FSTL4: variants seen among roughly 807,000 people sequenced by gnomAD.
The protein encoded by FSTL4 is follistatin like 4.
FSTL4 carries 28 observed loss-of-function variants against 78.2 expected under a neutral mutation model. The ratio of observed to expected loss-of-function variants is 0.36; its 90% CI spans 0.27 to 0.49. FSTL4 has a LOEUF of 0.49. Ranked by LOEUF, FSTL4 falls within the 20% of genes least tolerant of loss-of-function variation. The probability of loss-of-function intolerance (pLI) is 0.98; values close to 1 mark genes in which losing one functional copy is unlikely to be tolerated. For synonymous variants in FSTL4, 422 were observed against 440.5 expected (o/e 0.96, Z 0.53); for missense variants, 922 against 1,084.9 (o/e 0.85, Z 2.11).
chr5:133,350,753 C>T (rs1754804163), intron 4 of FSTL4, among the ~76,000 whole-genome samples: 1 of 152,140 alleles, frequency 6.6e-6, no homozygotes, highest in Non-Finnish European at 1.5e-5. Context: ...CTGGGTGTGG[C>T]CCTGGGCTCC....
the FSTL4 span, among the ~76,000 whole-genome samples, chr5:133,817,862 A>T: frequency 6.6e-6 from 1 of 152,228 alleles, no homozygotes; most frequent in African/African-American, 2.4e-5. Flanking sequence ...CCTAAGTCAC[A>T]TCATCCTCCT....
intron 3 of FSTL4, among the ~76,000 whole-genome samples, chr5:133,441,739 C>T (rs866743399): frequency 1.3e-5 from 2 of 152,224 alleles, no homozygotes; most frequent in Admixed American, 6.5e-5. Context: ...AGCCCACTCC[C>T]TCCCACAGGC....
intron 4 of FSTL4, among the ~76,000 whole-genome samples, chr5:133,379,015 G>T (rs1490564679): frequency 6.6e-6 from 1 of 152,048 alleles, no homozygotes; most frequent in African/African-American, 2.4e-5. Context: ...ATATATGCTG[G>T]CTGTAGAACA....
chr5:133,278,120 T>A (rs1353794885), intron 6 of FSTL4, among the ~76,000 whole-genome samples: 1 of 152,182 alleles, frequency 6.6e-6, no homozygotes, highest in Non-Finnish European at 1.5e-5. Context: ...CAGAGGTGAC[T>A]GGTCTCATGG....
At chr5:133,610,508 T>C (rs1032795488) in intron 1 of FSTL4, among the ~76,000 whole-genome samples, 4 of 152,230 alleles carry the variant, frequency 2.6e-5, no homozygotes, top group African/African-American at 9.6e-5. Context: ...AATGGTCTAG[T>C]GATGCTGCAG....
chr5:133,740,223 G>A, the FSTL4 span, among the ~76,000 whole-genome samples: 1 of 152,086 alleles, frequency 6.6e-6, no homozygotes, highest in African/African-American at 2.4e-5. Flanking sequence ...TACCCCCTTA[G>A]ACAGGTGGAA....
chr5:133,340,916 G>C (rs547109929), intron 4 of FSTL4, among the ~76,000 whole-genome samples: 31 of 151,970 alleles, frequency 2.0e-4, no homozygotes, highest in Non-Finnish European at 4.3e-4. Context: ...AGCTAGAAGA[G>C]AGCCTCCTGA....
chr5:133,735,655 T>C, the FSTL4 span, among the ~76,000 whole-genome samples: 1 of 152,120 alleles, frequency 6.6e-6, no homozygotes, highest in Admixed American at 6.6e-5. Flanking sequence ...ACTATAGAAA[T>C]AGAAAAACAT....
chr5:133,261,865 G>C (rs1295196063), intron 6 of FSTL4, among the ~76,000 whole-genome samples: 2 of 152,024 alleles, frequency 1.3e-5, no homozygotes, highest in Non-Finnish European at 2.9e-5. Context: ...GGTGGTGTGT[G>C]CCTGTAGTCC....
intron 4 of FSTL4, among the ~76,000 whole-genome samples, chr5:133,387,296 G>A (rs6883137): frequency 6.6e-6 from 1 of 152,182 alleles, no homozygotes; most frequent in South Asian, 2.1e-4. Context: ...TCCAGTAACT[G>A]GGAAAGTTAT....
chr5:133,418,815 T>A (rs1007153676), intron 3 of FSTL4, among the ~76,000 whole-genome samples: 1 of 152,244 alleles, frequency 6.6e-6, no homozygotes, highest in African/African-American at 2.4e-5. Flanking sequence ...TCGACATATA[T>A]GTACACCCAT....
the FSTL4 span, among the ~76,000 whole-genome samples, chr5:133,745,639 T>C: frequency 6.6e-6 from 1 of 152,230 alleles, no homozygotes; most frequent in African/African-American, 2.4e-5. Flanking sequence ...CTTTGACCTC[T>C]TGGCCTCATC....
At chr5:133,277,908 C>T (rs1003130456) in intron 6 of FSTL4, among the ~76,000 whole-genome samples, 21 of 152,150 alleles carry the variant, frequency 1.4e-4, no homozygotes, top group African/African-American at 1.9e-4. Flanking sequence ...ATAGCAAAGA[C>T]GCCACGCGAC....
chr5:133,738,759 C>T, the FSTL4 span, among the ~76,000 whole-genome samples: 2 of 152,150 alleles, frequency 1.3e-5, no homozygotes, highest in Admixed American at 6.5e-5. Context: ...ACAACATGGA[C>T]AGCCAGAAAG....
At chr5:133,722,673 T>A in the FSTL4 span, among the ~76,000 whole-genome samples, 2 of 152,224 alleles carry the variant, frequency 1.3e-5, no homozygotes, top group African/African-American at 2.4e-5. Context: ...TTTTTCTTAT[T>A]TCTTGTGTCC....
the FSTL4 span, among the ~76,000 whole-genome samples, chr5:133,782,827 T>A: frequency 1.3e-5 from 2 of 152,136 alleles, no homozygotes; most frequent in African/African-American, 4.8e-5. Flanking sequence ...TTTGCCTGAG[T>A]TCTCATCCCA....
chr5:133,218,111 T>C (rs1561624360), intron 12 of FSTL4, among the ~76,000 whole-genome samples: 4 of 152,310 alleles, frequency 2.6e-5, no homozygotes, highest in African/African-American at 9.6e-5. Flanking sequence ...AATCAACTCT[T>C]GATTTTACTT....
At chr5:133,685,685 T>C in the FSTL4 span, among the ~76,000 whole-genome samples, 1 of 152,168 alleles carries the variant, frequency 6.6e-6, no homozygotes, top group African/African-American at 2.4e-5. Flanking sequence ...CACAACATGA[T>C]AGTCCTGGAA....
the FSTL4 span, among the ~76,000 whole-genome samples, chr5:133,806,095 C>T: frequency 1.3e-5 from 2 of 152,164 alleles, no homozygotes; most frequent in South Asian, 4.1e-4. Flanking sequence ...CTCATCATCT[C>T]TGGCCCGCAA....
Sources: gnomAD v4.1 joint callset for allele counts (sites outside exome capture counted in the v4.1 genomes callset) on GRCh38, gnomAD v4.1.1 for gene constraint, MANE v1.5 for transcripts, NCBI Gene and HGNC (gene_info 2026-07-23, HGNC 2026-07-21) for gene names.